The following DCDC1 variants were observed in gnomAD, a reference collection of about 807,000 sequenced individuals.
DCDC1 encodes doublecortin domain containing 1.
A neutral mutation model predicts 178.3 loss-of-function variants in DCDC1; 200 were observed. The ratio of observed to expected loss-of-function variants is 1.12; its 90% CI spans 1.00 to 1.26. The LOEUF (loss-of-function observed/expected upper bound fraction) is 1.26, where lower values mean the gene tolerates loss of function less well. DCDC1 is among the 50% of genes most tolerant of loss of function. The probability of loss-of-function intolerance (pLI) is 0.00; values close to 1 mark genes in which losing one functional copy is unlikely to be tolerated. For missense variants in DCDC1, 1,983 were observed against 1,749.2 expected, an observed-to-expected ratio of 1.13 and a Z score of -2.38; for synonymous variants, 690 against 604.8, an observed-to-expected ratio of 1.14 and a Z score of -2.07.
intron 7 of DCDC1, among the ~76,000 whole-genome samples, chr11:31,271,002 A>G (rs1187674839): frequency 6.6e-6 from 1 of 152,192 alleles, no homozygotes; most frequent in Non-Finnish European, 1.5e-5. Context: ...AGTACTGCCC[A>G]GCCACTTCTA....
chr11:31,365,458 A>G (rs1171783790), intron 1 of DCDC1, among the ~76,000 whole-genome samples: 2 of 152,180 alleles, frequency 1.3e-5, no homozygotes, highest in Non-Finnish European at 2.9e-5. Flanking sequence ...GAACTACCAA[A>G]AGAGCCAAGT....
chr11:31,050,936 CA>C (rs1565222661), intron 20 of DCDC1, among the ~76,000 whole-genome samples: 5 of 151,982 alleles, frequency 3.3e-5, no homozygotes, highest in Admixed American at 1.3e-4. Context: ...TCAACACCCC[CA>C]AAAAACCACA....
intron 38 of DCDC1, among the ~76,000 whole-genome samples, chr11:30,873,565 C>A (rs143322984): frequency 1.3e-5 from 2 of 152,058 alleles, no homozygotes; most frequent in Admixed American, 6.5e-5. Context: ...AATTTGTTAC[C>A]GAACTGAAAT....
chr11:31,064,436 G>T, intron 20 of DCDC1, 33 bp downstream of exon 20: 1 of 716,138 alleles, frequency 1.4e-6, no homozygotes, highest in Non-Finnish European at 2.6e-6. Flanking sequence ...GAATGTCATT[G>T]AGCAATAAAG....
At chr11:30,868,238 C>A (rs1026672581) in intron 38 of DCDC1, among the ~76,000 whole-genome samples, 15 of 141,008 alleles carry the variant, frequency 1.1e-4, no homozygotes, top group Non-Finnish European at 1.7e-4. Flanking sequence ...CTCTTTCATA[C>A]CTGCTTTTTT....
At chr11:31,309,886 C>T (rs975296606) in intron 3 of DCDC1, among the ~76,000 whole-genome samples, 3 of 152,076 alleles carry the variant, frequency 2.0e-5, no homozygotes, top group Non-Finnish European at 4.4e-5. Flanking sequence ...TTGCTCTATG[C>T]TCTGTATGGA....
chr11:31,081,104 C>T (rs961471415), intron 17 of DCDC1, among the ~76,000 whole-genome samples: 13 of 152,120 alleles, frequency 8.5e-5, no homozygotes, highest in Non-Finnish European at 1.5e-4. Flanking sequence ...CATGTATCCT[C>T]AGAGCTGATC....
intron 9 of DCDC1, among the ~76,000 whole-genome samples, chr11:31,165,406 C>G (rs1195697636): frequency 1.3e-5 from 2 of 152,110 alleles, no homozygotes; most frequent in Non-Finnish European, 2.9e-5. Flanking sequence ...TCACAGCTCA[C>G]TGCAACCTCA....
chr11:31,178,587 T>G (rs1221512430), intron 9 of DCDC1, among the ~76,000 whole-genome samples: 1 of 152,136 alleles, frequency 6.6e-6, no homozygotes, highest in African/African-American at 2.4e-5. Flanking sequence ...AGAGACAACC[T>G]ACAGAATAGG....
chr11:30,936,263 T>C (rs1947270793), intron 21 of DCDC1, among the ~76,000 whole-genome samples: 1 of 152,184 alleles, frequency 6.6e-6, no homozygotes, highest in Non-Finnish European at 1.5e-5. Flanking sequence ...TGCGAGTCCA[T>C]ATAATAACTC....
intron 6 of DCDC1, among the ~76,000 whole-genome samples, chr11:31,303,994 AAAGAACAGCAGTGCATGTC>A (rs1403529646): frequency 1.3e-5 from 2 of 152,226 alleles, no homozygotes; most frequent in Non-Finnish European, 2.9e-5. Context: ...TTTGGTGCTA[AAAGAACAGCAGTGCATGTC>A]ACAGTGAAAC....
Position 30,865,176 on chromosome 11 carries a change from A to AT in DCDC1, c.*196dup, listed in dbSNP as rs1381035135. The AT allele has an allele frequency of 6.6e-6, 1 of 152,134 alleles. No homozygotes were observed. The highest frequency in any genetic ancestry group is 2.4e-5 in the African/African-American group (1 of 41,440). 9.4% of individuals were successfully genotyped at this position (152,134 alleles called of 1,614,324 possible). On this transcript the variant is annotated 3_prime_UTR_variant, in exon 39 of 39. Transcript: ENST00000684477. ...CTGTCAGGGTTTATTTAAAATGCAG[A>AT]TTTTTGAAGGATAAATTTTACGACT... is the stretch of plus-strand genomic sequence containing the variant.
At chr11:30,927,524 GAGA>G (rs1393989485) in intron 22 of DCDC1, among the ~76,000 whole-genome samples, 2 of 152,148 alleles carry the variant, frequency 1.3e-5, no homozygotes, top group Non-Finnish European at 2.9e-5. Flanking sequence ...ACAAGCCTTG[GAGA>G]AGGACAGGGC....
At chr11:31,128,991 G>C (rs1245814376) in intron 10 of DCDC1, among the ~76,000 whole-genome samples, 5 of 151,932 alleles carry the variant, frequency 3.3e-5, no homozygotes, top group African/African-American at 4.8e-5. Context: ...AGATAAAATG[G>C]AAAATCCTTC....
intron 20 of DCDC1, among the ~76,000 whole-genome samples, chr11:31,010,727 T>G (rs1952121427): frequency 6.6e-6 from 1 of 152,196 alleles, no homozygotes; most frequent in South Asian, 2.1e-4. Context: ...GAAAAATGTT[T>G]TTAATGAGAA....
At chr11:30,866,970 G>C (rs928155448) in intron 38 of DCDC1, among the ~76,000 whole-genome samples, 41 of 152,128 alleles carry the variant, frequency 2.7e-4, no homozygotes, top group African/African-American at 9.4e-4. Context: ...GAAGCAGTAA[G>C]AAGACCCTCA....
intron 27 of DCDC1, 97 bp downstream of exon 27, chr11:30,915,414 C>A: frequency 7.6e-7 from 1 of 1,321,182 alleles, no homozygotes; most frequent in Non-Finnish European, 1.1e-6. Flanking sequence ...ACCCAGAATT[C>A]TCAGATATAG....
intron 9 of DCDC1, among the ~76,000 whole-genome samples, chr11:31,219,304 C>G (rs1321940843): frequency 6.6e-6 from 1 of 152,040 alleles, no homozygotes; most frequent in Non-Finnish European, 1.5e-5. Context: ...TTTAACTGAT[C>G]TCAAAAATTT....
intron 7 of DCDC1, among the ~76,000 whole-genome samples, chr11:31,268,890 G>T (rs1056594708): frequency 6.6e-6 from 1 of 151,984 alleles, no homozygotes. Context: ...TTGTCTTTTT[G>T]ACTTTTTCAT....
Sources: gnomAD v4.1 joint callset for allele counts (sites outside exome capture counted in the v4.1 genomes callset) on GRCh38, gnomAD v4.1.1 for gene constraint, MANE v1.5 for transcripts, NCBI Gene and HGNC (gene_info 2026-07-23, HGNC 2026-07-21) for gene names.